Variants in ARHGAP24 observed in about 807,000 individuals in gnomAD.
ARHGAP24 encodes rho GTPase-activating protein 24.
A neutral mutation model predicts 76.4 loss-of-function variants in ARHGAP24; 50 were observed. The ratio of observed to expected loss-of-function variants is 0.65; its 90% confidence interval spans 0.52 to 0.83. The LOEUF is 0.83. Ranked by LOEUF, ARHGAP24 falls within the 40% of genes least tolerant of loss-of-function variation. The pLI is 0.00. For missense variants in ARHGAP24, 930 were observed against 914.2 expected (o/e 1.02, Z -0.22); for synonymous variants, 345 against 323.3 (o/e 1.07, Z -0.72).
intron 3 of ARHGAP24, among the ~76,000 whole-genome samples, chr4:85,871,923 A>T (rs1373454064): frequency 6.6e-6 from 1 of 152,112 alleles, no homozygotes; most frequent in Admixed American, 6.6e-5. Context: ...TAAGGATAAG[A>T]AGAAATGGTT....
chr4:85,830,747 G>A (rs1000972892), intron 3 of ARHGAP24, among the ~76,000 whole-genome samples: 9 of 152,184 alleles, frequency 5.9e-5, no homozygotes, highest in African/African-American at 1.9e-4. Flanking sequence ...AGCAGGGTAC[G>A]TGATGTGATT....
intron 2 of ARHGAP24, among the ~76,000 whole-genome samples, chr4:85,639,884 T>C (rs1402330888): frequency 1.3e-5 from 2 of 152,278 alleles, no homozygotes; most frequent in Non-Finnish European, 2.9e-5. Flanking sequence ...TGTTCAGTCC[T>C]TTAATAAATA....
At chr4:85,719,814 A>G (rs1281125419) in intron 2 of ARHGAP24, among the ~76,000 whole-genome samples, 4 of 152,178 alleles carry the variant, frequency 2.6e-5, no homozygotes, top group Non-Finnish European at 5.9e-5. Flanking sequence ...TAACATAACT[A>G]CATACAATGG....
intron 1 of ARHGAP24, among the ~76,000 whole-genome samples, chr4:85,560,343 GA>G (rs1726544714): frequency 6.6e-6 from 1 of 152,062 alleles, no homozygotes; most frequent in African/African-American, 2.4e-5. Flanking sequence ...TACAATGTAT[GA>G]GGCATTAAGT....
At chr4:85,877,128 G>A (rs1732981377) in intron 3 of ARHGAP24, among the ~76,000 whole-genome samples, 1 of 151,956 alleles carries the variant, frequency 6.6e-6, no homozygotes, top group African/African-American at 2.4e-5. Context: ...TCTTATAATT[G>A]TGTTACAAAA....
chr4:85,655,792 T>TATATATATAG (rs1553920518), intron 2 of ARHGAP24, among the ~76,000 whole-genome samples: 14 of 37,702 alleles, frequency 3.7e-4, no homozygotes, highest in African/African-American at 2.1e-3. Flanking sequence ...TATATATATA[T>TATATATATAG]AGAGAGAGAG....
chr4:85,893,791 C>G (rs927244752), intron 3 of ARHGAP24, among the ~76,000 whole-genome samples: 7 of 151,586 alleles, frequency 4.6e-5, no homozygotes, highest in African/African-American at 1.7e-4. Flanking sequence ...GGGTTCATGT[C>G]CTTTGTAGGG....
chr4:85,533,568 A>C (rs552157731), intron 1 of ARHGAP24, among the ~76,000 whole-genome samples: 10 of 152,158 alleles, frequency 6.6e-5, no homozygotes, highest in Non-Finnish European at 8.8e-5. Flanking sequence ...TAGAGGCTGA[A>C]GCATTCTGCG....
intron 1 of ARHGAP24, among the ~76,000 whole-genome samples, chr4:85,502,569 T>C (rs1723865821): frequency 6.6e-6 from 1 of 152,238 alleles, no homozygotes; most frequent in Non-Finnish European, 1.5e-5. Flanking sequence ...ACATTGATTT[T>C]GTATCCTGAG....
At chr4:85,996,573 A>T (rs1263007176) in intron 9 of ARHGAP24, among the ~76,000 whole-genome samples, 1 of 152,198 alleles carries the variant, frequency 6.6e-6, no homozygotes, top group Admixed American at 6.5e-5. Context: ...ACAAAAAGAT[A>T]ACGTACTTTC....
chr4:85,869,114 C>T (rs76005878), intron 3 of ARHGAP24, among the ~76,000 whole-genome samples: 6,084 of 152,074 alleles, frequency 0.04, 411 homozygotes, highest in African/African-American at 0.14. Context: ...TTATTTCTTC[C>T]GGTGTATCAG....
Position 86,001,931 on chromosome 4 carries a change from T to C in ARHGAP24, c.*1209T>C, listed in dbSNP as rs146840747. 6.3e-3 allele frequency: 964 copies of C among 152,486 alleles called. 2 individuals carry two copies. The highest frequency in any genetic ancestry group is 0.01 in the Admixed American group (160 of 15,304). 9.4% of individuals were successfully genotyped at this position (152,486 alleles called of 1,614,324 possible). Reference sequence around the variant, plus strand: ...AATTTTGACAGTATCACTTTCCTGTTAAAACATACAATAATTTTAAAAGGT... The same window carrying C: ...AATTTTGACAGTATCACTTTCCTGTCAAAACATACAATAATTTTAAAAGGT... On this transcript the variant is annotated 3_prime_UTR_variant, in exon 10 of 10. Coordinates refer to ENST00000395184, the MANE Select transcript of ARHGAP24 (RefSeq NM_001025616.3).
chr4:85,710,469 A>T (rs1165078058), intron 2 of ARHGAP24, among the ~76,000 whole-genome samples: 3 of 152,202 alleles, frequency 2.0e-5, no homozygotes, highest in Non-Finnish European at 2.9e-5. Flanking sequence ...GACAAATGGG[A>T]TCTAATTAAA....
intron 1 of ARHGAP24, among the ~76,000 whole-genome samples, chr4:85,507,774 G>A (rs772384502): frequency 6.6e-6 from 1 of 152,156 alleles, no homozygotes; most frequent in Admixed American, 6.5e-5. Flanking sequence ...TGTAGGGACA[G>A]GTTCTTTTTC....
At chr4:85,934,223 A>G (rs1736505778) in intron 4 of ARHGAP24, among the ~76,000 whole-genome samples, 1 of 152,218 alleles carries the variant, frequency 6.6e-6, no homozygotes. Context: ...CACAGGAGGA[A>G]GTCCTATTTC....
intron 3 of ARHGAP24, among the ~76,000 whole-genome samples, chr4:85,883,644 T>G (rs1733386523): frequency 6.6e-6 from 1 of 151,904 alleles, no homozygotes; most frequent in Non-Finnish European, 1.5e-5. Flanking sequence ...CTAGCTAAAC[T>G]AGGAGAAAAT....
rs190340178 is a variant in ARHGAP24 at position 85,838,349 on chromosome 4, G to A, written c.269-85299G>A. ...ACGGTGGCTCACGCCTGTAATCCCA[G>A]CACTTTGGGAGGCTGAGGTGGGCAG... On this transcript the variant is annotated intron_variant, in intron 3 of 9. Transcript: ENST00000395184. 3.3e-5 allele frequency among the ~76,000 whole-genome samples: 5 copies of A among 152,346 alleles called. No individual in the cohort carries two copies. In the East Asian group the frequency reaches 9.7e-4, roughly 29 times the overall value.
chr4:85,721,944 A>T lies in ARHGAP24; in HGVS notation c.240A>T (p.Pro80=). 2 of 1,613,546 alleles carry T rather than the reference A, an allele frequency of 1.2e-6. No individual in the cohort carries two copies. Among genetic ancestry groups the T allele is most frequent in the Non-Finnish European group, 1.7e-6 (2 of 1,179,658 alleles). Residue 80 remains proline (P), a synonymous_variant, in exon 3 of 10, where the codon CCA becomes CCT. Coordinates refer to ENST00000395184, the MANE Select transcript of ARHGAP24 (RefSeq NM_001025616.3). ...AGCATCCCTGCAATGAAGAGAACCC[A>T]GGGAAGTTCCTTTTTGAAGTAGTTC... ...VSEHPCNEEN[P]GKFLFEVVPG...
intron 1 of ARHGAP24, among the ~76,000 whole-genome samples, chr4:85,510,219 T>A (rs925720389): frequency 3.3e-5 from 5 of 152,146 alleles, no homozygotes; most frequent in Non-Finnish European, 7.3e-5. Flanking sequence ...ATAAGAGTAT[T>A]TTCCTCCATT....
Sources: gnomAD v4.1 joint callset for allele counts (sites outside exome capture counted in the v4.1 genomes callset) on GRCh38, gnomAD v4.1.1 for gene constraint, MANE v1.5 for transcripts, NCBI Gene and HGNC (gene_info 2026-07-23, HGNC 2026-07-21) for gene names.